STX18: variants seen among roughly 807,000 people sequenced by gnomAD.
The protein encoded by STX18 is syntaxin 18.
STX18 carries 40 observed loss-of-function variants against 50.1 expected under a neutral mutation model. The observed-to-expected ratio is 0.80, with a 90% CI of 0.62 to 1.04. The LOEUF is 1.04. Ranked by LOEUF, STX18 falls within the 50% of genes least tolerant of loss-of-function variation. The probability of loss-of-function intolerance (pLI) is 0.00; values close to 1 mark genes in which losing one functional copy is unlikely to be tolerated. For missense variants in STX18, 410 were observed against 415.8 expected (o/e 0.99, Z 0.12); for synonymous variants, 158 against 151.8 (o/e 1.04, Z -0.30).
At chr4:4,506,534 C>T (rs532223916) in intron 1 of STX18, among the ~76,000 whole-genome samples, 16 of 152,086 alleles carry the variant, frequency 1.1e-4, no homozygotes, top group African/African-American at 1.4e-4. Context: ...TGACCACAAA[C>T]GGACAGCATG....
intron 5 of STX18, among the ~76,000 whole-genome samples, chr4:4,441,419 TAAC>T (rs959581224): frequency 2.4e-4 from 36 of 152,200 alleles, no homozygotes; most frequent in Admixed American, 2.4e-3. Flanking sequence ...AAACTGCTTA[TAAC>T]AACAACAAAA....
Position 4,441,026 on chromosome 4 carries a change from T to C in STX18, c.498-2517A>G, listed in dbSNP as rs138204850. Among the ~76,000 whole-genome samples the C allele has an allele frequency of 2.1e-3, 327 of 152,292 alleles. 6 individuals are homozygous for C. Among genetic ancestry groups the C allele is most frequent in the East Asian group, 0.012 (60 of 5,182 alleles). ...GGAGGCCACACACATGGCTAGCAAG[T>C]TGGTGCTTGCTGGGAGCCTCATTTC... On this transcript the variant is annotated intron_variant, in intron 5 of 10. Coordinates refer to ENST00000306200, the MANE Select transcript of STX18 (RefSeq NM_016930.4).
At chr4:4,523,751 G>A (rs933187363) in intron 1 of STX18, among the ~76,000 whole-genome samples, 2 of 152,014 alleles carry the variant, frequency 1.3e-5, no homozygotes, top group African/African-American at 4.8e-5. Context: ...CACCTCTGCC[G>A]AATCCACCAA....
In STX18 at chr4:4,489,391, A is replaced by ATTTTTTTTT. The variant is rs34563523; in HGVS notation, c.169-17694_169-17686dup. Among the ~76,000 whole-genome samples, 258 of 51,684 alleles carry ATTTTTTTTT rather than the reference A, an allele frequency of 5.0e-3. 55 individuals are homozygous for ATTTTTTTTT. Among genetic ancestry groups the ATTTTTTTTT allele is most frequent in the Non-Finnish European group, 7.6e-3 (203 of 26,646 alleles). The allele number at this position is 51,684 out of a possible 152,430, so 33.9% of individuals were successfully genotyped here. On this transcript the variant is annotated intron_variant, in intron 1 of 10. Coordinates refer to ENST00000306200, the MANE Select transcript of STX18 (RefSeq NM_016930.4). ...AGCACTTCAATACACATGCAAAATA[A>ATTTTTTTTT]TTTTTTTTTTTTTTTTTTTTTTTTT... is the stretch of plus-strand genomic sequence containing the variant.
At chr4:4,527,377 T>C (rs992689119) in intron 1 of STX18, among the ~76,000 whole-genome samples, 12 of 152,236 alleles carry the variant, frequency 7.9e-5, no homozygotes, top group African/African-American at 2.7e-4. Context: ...TTTAAAACTT[T>C]CTACCAGTTA....
In STX18 at chr4:4,446,227, A is replaced by C. The variant is rs74321905; in HGVS notation, c.498-7718T>G. 6.9e-3 allele frequency among the ~76,000 whole-genome samples: 1,056 copies of C among 152,342 alleles called. 12 individuals carry two copies. The highest frequency in any genetic ancestry group is 0.024 in the African/African-American group (983 of 41,592). On this transcript the variant is annotated intron_variant, in intron 5 of 10. Transcript: ENST00000306200. ...TTGGTCTGAGACAGATGATAGACCT[A>C]AACATACCACCCAGAATCATAAAGC...
rs1247439389 is a variant in STX18, at chr4:4,438,471, T to G, written c.536A>C (p.Glu179Ala). The G allele has an allele frequency of 1.2e-6, 2 of 1,613,684 alleles. No homozygotes were observed. The highest frequency in any genetic ancestry group is 2.7e-5 in the African/African-American group (2 of 74,900). The change falls in exon 6 of 11, where the codon GAA becomes GCA. Residue 179 changes from glutamate (E) to alanine (A), a missense_variant. By Grantham distance (107) the Glu-to-Ala change is moderately radical. Coordinates refer to ENST00000306200, the MANE Select transcript of STX18 (RefSeq NM_016930.4). ...TGAAACTTTCTCAGAAGATGTGGAT[T>G]CTCTTGTCTTTGTATTTGGTTCTGG... The part of the protein sequence containing the change: ...LEPEPNTKTR[E>A]STSSEKVSQS...
At chr4:4,460,398 C>T (rs1013045128) in intron 2 of STX18, among the ~76,000 whole-genome samples, 1 of 152,028 alleles carries the variant, frequency 6.6e-6, no homozygotes, top group Non-Finnish European at 1.5e-5. Flanking sequence ...TTTTTCCCCC[C>T]ACCCCAAGAC....
At chr4:4,496,401 C>T (rs1337807843) in intron 1 of STX18, among the ~76,000 whole-genome samples, 1 of 152,150 alleles carries the variant, frequency 6.6e-6, no homozygotes, top group African/African-American at 2.4e-5. Context: ...ACCACTGCAG[C>T]CAACCCGCCA....
chr4:4,484,589 C>T (rs16835761), intron 1 of STX18, among the ~76,000 whole-genome samples: 85 of 152,008 alleles, frequency 5.6e-4, no homozygotes, highest in African/African-American at 1.8e-3. Flanking sequence ...AACAAAGAAC[C>T]GGAGACCCCT....
intron 1 of STX18, among the ~76,000 whole-genome samples, chr4:4,484,258 C>T (rs1478648881): frequency 4.6e-5 from 7 of 152,180 alleles, no homozygotes; most frequent in Admixed American, 4.6e-4. Context: ...AAATAAAATA[C>T]AGTTTCCAGA....
At chr4:4,476,369 T>C (rs1409622108) in intron 1 of STX18, among the ~76,000 whole-genome samples, 3 of 152,238 alleles carry the variant, frequency 2.0e-5, no homozygotes, top group Admixed American at 2.0e-4. Flanking sequence ...AAATGAGTTA[T>C]TTCACTTAAC....
intron 1 of STX18, chr4:4,476,135 G>C (rs1393851379): frequency 1.3e-5 from 2 of 152,188 alleles, no homozygotes; most frequent in African/African-American, 2.4e-5. Context: ...TCTTCCATCA[G>C]ACTGATGGTC....
chr4:4,443,491 C>T (rs1183461045), intron 5 of STX18, among the ~76,000 whole-genome samples: 2 of 152,174 alleles, frequency 1.3e-5, no homozygotes, highest in East Asian at 1.9e-4. Context: ...TGAGGAACAA[C>T]GTAAGGACCC....
intron 1 of STX18, among the ~76,000 whole-genome samples, chr4:4,511,675 C>A (rs995449754): frequency 6.7e-6 from 1 of 149,856 alleles, no homozygotes; most frequent in African/African-American, 2.5e-5. Context: ...AAATATGGGA[C>A]TGAAAATACA....
At chr4:4,495,690 C>T (rs529904903) in intron 1 of STX18, among the ~76,000 whole-genome samples, 12 of 149,708 alleles carry the variant, frequency 8.0e-5, no homozygotes, top group South Asian at 2.1e-4. Context: ...TACAACTAAA[C>T]GCAAAAACAA....
intron 1 of STX18, among the ~76,000 whole-genome samples, chr4:4,531,319 C>T (rs1731087914): frequency 6.6e-6 from 1 of 152,146 alleles, no homozygotes; most frequent in South Asian, 2.1e-4. Context: ...CTTCCAGGTA[C>T]ACAATACGTG....
chr4:4,522,123 T>C (rs1730534193), intron 1 of STX18, among the ~76,000 whole-genome samples: 1 of 152,240 alleles, frequency 6.6e-6, no homozygotes, highest in Non-Finnish European at 1.5e-5. Context: ...ATTTGTTTCC[T>C]CACTAATCAT....
At position 4,420,727 on chromosome 4, in the gene STX18, G is replaced by A. The variant is rs757449682; in HGVS notation, c.912+137C>T. ...GTCTCATGAACACACGCAGCTCCGCGGTCACACAATTTTGTGATCAGCCCC... is the reference window on the plus strand; with the variant it reads ...GTCTCATGAACACACGCAGCTCCGCAGTCACACAATTTTGTGATCAGCCCC... On this transcript the variant is annotated intron_variant, in intron 10 of 10. Transcript: ENST00000306200. The surrounding 1 kb of genome is among the most constrained non-coding windows in gnomAD (Gnocchi z 4.3). 11 of 762,248 alleles carry A rather than the reference G, an allele frequency of 1.4e-5. No homozygotes were observed. The highest frequency in any genetic ancestry group is 2.0e-5 in the Non-Finnish European group (9 of 450,010). The allele number at this position is 762,248 out of a possible 1,614,324, so 47.2% of individuals were successfully genotyped here. A position where few individuals can be genotyped will look rare whatever the true frequency, so the allele number is the denominator to read the frequency against.
Sources: gnomAD v4.1 joint callset for allele counts (sites outside exome capture counted in the v4.1 genomes callset) on GRCh38, gnomAD v4.1.1 for gene constraint, Gnocchi (gnomAD v3.1) non-coding constraint, MANE v1.5 for transcripts, NCBI Gene and HGNC (gene_info 2026-07-23, HGNC 2026-07-21) for gene names.